Variants in ST7L observed in about 807,000 individuals in gnomAD.
ST7L encodes the protein suppressor of tumorigenicity 7 protein-like.
A neutral mutation model predicts 72.5 loss-of-function variants in ST7L; 57 were observed. The observed-to-expected ratio is 0.79, with a 90% CI of 0.64 to 0.98. The LOEUF is 0.98. ST7L is among the 50% of genes least tolerant of loss of function. The probability of loss-of-function intolerance (pLI) is 0.00; values close to 1 mark genes in which losing one functional copy is unlikely to be tolerated. For synonymous variants in ST7L, 221 were observed against 240.9 expected (o/e 0.92, Z 0.77); for missense variants, 576 against 672.2 (o/e 0.86, Z 1.58).
At chr1:112,597,947 A>C in intron 5 of ST7L, 24 bp downstream of exon 5, 1 of 1,544,538 alleles carries the variant, frequency 6.5e-7, no homozygotes, top group Non-Finnish European at 8.9e-7. Context: ...CACTGTTTAT[A>C]CTATGAACAG....
At chr1:112,584,733 C>T (rs1006349701) in intron 6 of ST7L, among the ~76,000 whole-genome samples, 2 of 152,184 alleles carry the variant, frequency 1.3e-5, no homozygotes, top group African/African-American at 4.8e-5. Context: ...GGTGATCCAC[C>T]TGCCTCAGCT....
chr1:112,542,739 AC>A lies in ST7L; in HGVS notation c.1490-650del, dbSNP rs994189157. Among the ~76,000 whole-genome samples, 23 of 144,762 alleles carry A rather than the reference AC, an allele frequency of 1.6e-4. No homozygotes were observed. The Middle Eastern group carries it at 0.01, about 65-fold the overall frequency. 95.0% of individuals were successfully genotyped at this position (144,762 alleles called of 152,430 possible). A position where few individuals can be genotyped will look rare whatever the true frequency, so the allele number is the denominator to read the frequency against. ...CACTGCACTCCAGCCTGGGTGACAG[AC>A]CTGTCTCTAAATAAATAAATAAATA... On this transcript the variant is annotated intron_variant, in intron 13 of 14. Transcript: ENST00000358039.
In ST7L at chr1:112,618,891, G is replaced by T. The variant is rs367721926; in HGVS notation, c.205+18C>A. 5 of 1,551,116 alleles carry T rather than the reference G, an allele frequency of 3.2e-6. No homozygotes were observed. Among genetic ancestry groups the T allele is most frequent in the Non-Finnish European group, 4.4e-6 (5 of 1,147,374 alleles). The stretch of plus-strand genomic sequence containing the variant: ...CTCCTGGCCCCCCGCCCTGCCCCAG[G>T]AGGTCTGGTCCTCTCACCCGCTGCC... On this transcript the variant is annotated intron_variant, in intron 1 of 14. Transcript: ENST00000358039.
At chr1:112,521,257 T>C (rs985369456), downstream of ST7L, 3 of 151,620 alleles carry the variant, frequency 2.0e-5, no homozygotes, top group Admixed American at 2.0e-4. Flanking sequence ...TAAAACACCC[T>C]AGAACACTCC....
intron 11 of ST7L, among the ~76,000 whole-genome samples, chr1:112,568,864 ATATAT>A (rs1450308838): frequency 3.4e-4 from 28 of 83,050 alleles, no homozygotes; most frequent in Middle Eastern, 6.7e-3. Context: ...AAATATAAAT[ATATAT>A]ATATATATAT....
intron 12 of ST7L, among the ~76,000 whole-genome samples, chr1:112,553,428 T>C (rs1244272891): frequency 6.6e-6 from 1 of 152,238 alleles, no homozygotes; most frequent in Non-Finnish European, 1.5e-5. Flanking sequence ...GTCTGGCTTT[T>C]AGCAAATGGT....
At chr1:112,517,987 G>A in the ST7L span, 1 of 152,606 alleles carries the variant, frequency 6.6e-6, no homozygotes. Context: ...CCAATCTGCT[G>A]GGTAAAGGTT....
rs114025060 is a variant in ST7L, at chr1:112,587,328, G to A, written c.702-3202C>T. On this transcript the variant is annotated intron_variant, in intron 6 of 14. Coordinates refer to ENST00000358039, the MANE Select transcript of ST7L (RefSeq NM_017744.5). Reference sequence around the variant, plus strand: ...CCCTTGTCAAAAATCATGGCCAGGCGTGGTGGCTCACACCTGTAATCTCAG... The same window carrying A: ...CCCTTGTCAAAAATCATGGCCAGGCATGGTGGCTCACACCTGTAATCTCAG... Among the ~76,000 whole-genome samples the A allele has an allele frequency of 1.5e-3, 229 of 152,294 alleles. 1 individual carries two copies. The highest frequency in any genetic ancestry group is 5.0e-3 in the African/African-American group (208 of 41,566).
At chr1:112,553,368 C>A (rs1443733362) in intron 12 of ST7L, among the ~76,000 whole-genome samples, 1 of 152,124 alleles carries the variant, frequency 6.6e-6, no homozygotes, top group Non-Finnish European at 1.5e-5. Context: ...GTGTGAGTCA[C>A]AACACTTGGC....
At chr1:112,618,179 A>C in intron 1 of ST7L, 2 of 1,230,846 alleles carry the variant, frequency 1.6e-6, no homozygotes, top group Non-Finnish European at 1.0e-6. Flanking sequence ...GGCCCTAAAC[A>C]CTTCATCCTG....
intron 1 of ST7L, among the ~76,000 whole-genome samples, chr1:112,617,703 TG>T (rs1670086362): frequency 3.2e-5 from 4 of 125,040 alleles, no homozygotes; most frequent in Non-Finnish European, 4.8e-5. Context: ...AGACTCTGTC[TG>T]TCTTTCTCTC....
chr1:112,556,042 A>G (rs774480199), intron 11 of ST7L, 24 bp from the exon 12 acceptor site: 2 of 1,449,102 alleles, frequency 1.4e-6, no homozygotes, highest in South Asian at 3.3e-5. Flanking sequence ...ACACAGACAC[A>G]TATACACACA....
At chr1:112,533,061 G>A (rs563499661) in intron 14 of ST7L, among the ~76,000 whole-genome samples, 1 of 152,106 alleles carries the variant, frequency 6.6e-6, no homozygotes, top group Non-Finnish European at 1.5e-5. Context: ...GAAACATAAG[G>A]TATACATTTA....
At chr1:112,567,654 C>T (rs193296090) in intron 11 of ST7L, among the ~76,000 whole-genome samples, 27 of 152,118 alleles carry the variant, frequency 1.8e-4, no homozygotes, top group African/African-American at 6.3e-4. Flanking sequence ...ATTCATGATT[C>T]CCTCCCACCA....
chr1:112,553,503 T>TA (rs1658591712), intron 12 of ST7L, among the ~76,000 whole-genome samples: 1 of 152,186 alleles, frequency 6.6e-6, no homozygotes, highest in Non-Finnish European at 1.5e-5. Flanking sequence ...CCAAACAACT[T>TA]AAAAAATTTA....
rs774231203 is a variant in ST7L at position 112,618,992 on chromosome 1, C to T, written c.122G>A (p.Gly41Glu). ...ERLRAGLAGT[G>E]ASLWFVAGLG... ...CCCCGCCACGAACCACAACGAGGCC[C>T]CAGTCCCCGCCAGCCCGGCCCGCAG... is the stretch of plus-strand genomic sequence containing the variant. Residue 41 changes from glycine to glutamate, a missense_variant, in exon 1 of 15, where the codon GGG becomes GAG. By Grantham distance (98) the Gly-to-Glu change is moderately conservative. Coordinates refer to ENST00000358039, the MANE Select transcript of ST7L (RefSeq NM_017744.5). 2.0e-4 allele frequency: 320 copies of T among 1,611,786 alleles called. No homozygotes were observed. Among genetic ancestry groups the T allele is most frequent in the Non-Finnish European group, 2.5e-4 (298 of 1,179,076 alleles).
At chr1:112,520,756 T>A, downstream of ST7L, 1 of 567,212 alleles carries the variant, frequency 1.8e-6, no homozygotes, top group Non-Finnish European at 3.1e-6. Flanking sequence ...GAAGGGAGAG[T>A]AGAAGAGATA....
At chr1:112,579,588 CTTAAA>C (rs1244771741) in intron 9 of ST7L, among the ~76,000 whole-genome samples, 3 of 151,830 alleles carry the variant, frequency 2.0e-5, no homozygotes, top group Non-Finnish European at 1.5e-5. Context: ...ATTTATTTTT[CTTAAA>C]TTATTATTTT....
intron 1 of ST7L, chr1:112,617,958 T>TGCAAATATAAGTTTGGAG (rs1670178414): frequency 7.7e-7 from 1 of 1,298,056 alleles, no homozygotes; most frequent in African/African-American, 1.5e-5. Context: ...TATTTGAACT[T>TGCAAATATAAGTTTGGAG]GATACCTATC....
Sources: allele counts gnomAD v4.1 joint callset (sites outside exome capture counted in the v4.1 genomes callset), GRCh38; gene constraint gnomAD v4.1.1; transcripts MANE v1.5; gene names NCBI Gene and HGNC (gene_info 2026-07-23, HGNC 2026-07-21).